Variants in NRG3 observed in about 807,000 individuals in gnomAD.
NRG3 encodes the protein neuregulin 3.
In NRG3, 31 loss-of-function variants were observed where a neutral mutation model predicts 66.9. That is an observed-to-expected ratio of 0.46 (90% CI 0.35 to 0.63). The LOEUF (loss-of-function observed/expected upper bound fraction) is 0.63, where lower values mean the gene tolerates loss of function less well. Ranked by LOEUF, NRG3 falls within the 20% of genes least tolerant of loss-of-function variation. NRG3 has a pLI of 0.00. For missense variants in NRG3, 910 were observed against 878.9 expected (o/e 1.04, Z -0.45); for synonymous variants, 393 against 359.4 (o/e 1.09, Z -1.06).
intron 2 of NRG3, among the ~76,000 whole-genome samples, chr10:82,453,750 A>G (rs1471332488): frequency 6.7e-6 from 1 of 149,986 alleles, no homozygotes; most frequent in Non-Finnish European, 1.5e-5. Context: ...TCGGTGAGTT[A>G]TTTAACGGTC....
At chr10:82,675,182 C>G (rs1237973376) in intron 2 of NRG3, among the ~76,000 whole-genome samples, 1 of 152,080 alleles carries the variant, frequency 6.6e-6, no homozygotes, top group Non-Finnish European at 1.5e-5. Context: ...CTCTTGAACT[C>G]CTGACCTCAG....
intron 1 of NRG3, among the ~76,000 whole-genome samples, chr10:82,344,591 G>A (rs1051609049): frequency 7.0e-6 from 1 of 142,458 alleles, no homozygotes; most frequent in African/African-American, 3.0e-5. Flanking sequence ...TAATGGGATG[G>A]CTAGGTCAAA....
At chr10:82,017,041 C>G (rs771219409) in intron 1 of NRG3, among the ~76,000 whole-genome samples, 1 of 152,122 alleles carries the variant, frequency 6.6e-6, no homozygotes, top group Non-Finnish European at 1.5e-5. Context: ...TCCATTAACT[C>G]GTAATTTACA....
At chr10:82,717,849 G>A (rs572306065) in intron 2 of NRG3, among the ~76,000 whole-genome samples, 15 of 148,554 alleles carry the variant, frequency 1.0e-4, no homozygotes, top group South Asian at 4.2e-4. Flanking sequence ...CTATTGAAAA[G>A]TCTTTTTTTT....
chr10:82,322,897 T>C (rs1463232035), intron 1 of NRG3, among the ~76,000 whole-genome samples: 1 of 152,146 alleles, frequency 6.6e-6, no homozygotes, highest in African/African-American at 2.4e-5. Flanking sequence ...ATTGTAGAAA[T>C]CAAAAATCAT....
chr10:82,934,549 C>T (rs776238422), intron 4 of NRG3, among the ~76,000 whole-genome samples: 7 of 152,198 alleles, frequency 4.6e-5, no homozygotes, highest in Non-Finnish European at 7.3e-5. Flanking sequence ...CTAAGTCCAT[C>T]ATCCTTAGAT....
At position 82,853,729 on chromosome 10, in the gene NRG3, A is replaced by G. The variant is rs916156381; in HGVS notation, c.1028-11682A>G. Among the ~76,000 whole-genome samples, 3 of 152,162 alleles carry G rather than the reference A, an allele frequency of 2.0e-5. 1 individual carries two copies. The highest frequency in any genetic ancestry group is 2.9e-5 in the Non-Finnish European group (2 of 68,028). ...CATTTTTAGGGTTTTCTAGGTATAC[A>G]ATCATATTATTGGCAAACAACAGTT... is the stretch of plus-strand genomic sequence containing the variant. On this transcript the variant is annotated intron_variant, in intron 3 of 8. Transcript: ENST00000372141.
intron 2 of NRG3, among the ~76,000 whole-genome samples, chr10:82,476,134 CAT>C (rs1436340328): frequency 1.3e-5 from 2 of 152,078 alleles, no homozygotes; most frequent in Non-Finnish European, 2.9e-5. Flanking sequence ...AGCATGAAAA[CAT>C]AGTCCCTCAC....
chr10:82,716,109 A>T (rs2056957326), intron 2 of NRG3, among the ~76,000 whole-genome samples: 2 of 152,192 alleles, frequency 1.3e-5, no homozygotes, highest in African/African-American at 4.8e-5. Context: ...TGAACTTGAG[A>T]TTATTTTGAT....
chr10:82,664,695 TTCTC>T (rs1320743501), intron 2 of NRG3, among the ~76,000 whole-genome samples: 3 of 152,016 alleles, frequency 2.0e-5, no homozygotes, highest in Admixed American at 2.0e-4. Flanking sequence ...TTTCATAACT[TTCTC>T]AGCTTCTCAA....
intron 2 of NRG3, among the ~76,000 whole-genome samples, chr10:82,640,309 A>G (rs2133805786): frequency 6.6e-6 from 1 of 152,348 alleles, no homozygotes; most frequent in South Asian, 2.1e-4. Flanking sequence ...GTACATATAC[A>G]CCATGGAATA....
At chr10:82,832,583 A>G (rs966965002) in intron 3 of NRG3, among the ~76,000 whole-genome samples, 3 of 152,192 alleles carry the variant, frequency 2.0e-5, no homozygotes, top group African/African-American at 7.2e-5. Flanking sequence ...AAAGATTTAT[A>G]TGCAAGAGTT....
In NRG3 at chr10:82,769,667, C is replaced by A. The variant is rs375001618; in HGVS notation, c.1027+31017C>A. On this transcript the variant is annotated intron_variant, in intron 3 of 8. Coordinates refer to ENST00000372141, the MANE Select transcript of NRG3 (RefSeq NM_001010848.4). ...TAGGATTAGAAGACTAAATTTTAAA[C>A]CTCAGCTGTGAAAAATCAGAAGTCT... Among the ~76,000 whole-genome samples the A allele has an allele frequency of 1.1e-3, 164 of 152,136 alleles. 1 individual carries two copies. The highest frequency in any genetic ancestry group is 3.6e-3 in the African/African-American group (151 of 41,526).
At chr10:82,377,837 G>A (rs570465559) in intron 2 of NRG3, among the ~76,000 whole-genome samples, 3 of 152,300 alleles carry the variant, frequency 2.0e-5, no homozygotes, top group South Asian at 2.1e-4. Context: ...TGCAAATAAC[G>A]TTTACAAATC....
chr10:82,908,085 G>C (rs1418420574), intron 4 of NRG3, among the ~76,000 whole-genome samples: 1 of 152,164 alleles, frequency 6.6e-6, no homozygotes, highest in Non-Finnish European at 1.5e-5. Context: ...TTACTTTTCT[G>C]CAAGCCTGAT....
intron 1 of NRG3, among the ~76,000 whole-genome samples, chr10:81,997,867 CTTT>C (rs58891996): frequency 7.1e-6 from 1 of 140,808 alleles, no homozygotes. Flanking sequence ...AAAGGCCCAA[CTTT>C]TTTTTTTTTT....
At chr10:82,872,846 C>A (rs999445906) in intron 4 of NRG3, among the ~76,000 whole-genome samples, 1 of 151,996 alleles carries the variant, frequency 6.6e-6, no homozygotes, top group Non-Finnish European at 1.5e-5. Context: ...CTTAGTAATG[C>A]CATAGTGCAA....
chr10:82,874,430 T>C (rs1172317815), intron 4 of NRG3, among the ~76,000 whole-genome samples: 1 of 114,772 alleles, frequency 8.7e-6, no homozygotes, highest in Admixed American at 1.0e-4. Context: ...GAAGTAGACT[T>C]ATTTGGAAAA....
intron 2 of NRG3, among the ~76,000 whole-genome samples, chr10:82,453,791 G>C (rs150956772): frequency 6.6e-6 from 1 of 152,184 alleles, no homozygotes; most frequent in East Asian, 1.9e-4. Flanking sequence ...ATTCAACAGA[G>C]AGAAGGTTAA....
Sources: gnomAD v4.1 joint callset for allele counts (sites outside exome capture counted in the v4.1 genomes callset) on GRCh38, gnomAD v4.1.1 for gene constraint, MANE v1.5 for transcripts, NCBI Gene and HGNC (gene_info 2026-07-23, HGNC 2026-07-21) for gene names.